Variants in RPH3A observed in about 807,000 individuals in gnomAD.
The protein encoded by RPH3A is rabphilin 3A.
RPH3A carries 48 observed loss-of-function variants against 102.2 expected under a neutral mutation model. That is an observed-to-expected ratio of 0.47 (90% CI 0.37 to 0.60). The LOEUF is 0.60. Among genes scored for constraint, RPH3A ranks in the 20% least tolerant of loss-of-function variants. The pLI is 0.00. For synonymous variants in RPH3A, 310 were observed against 324.3 expected (o/e 0.96, Z 0.47); for missense variants, 781 against 910.1 (o/e 0.86, Z 1.83).
At chr12:112,794,297 G>A (rs192037586) in intron 2 of RPH3A, among the ~76,000 whole-genome samples, 1 of 152,336 alleles carries the variant, frequency 6.6e-6, no homozygotes, top group Non-Finnish European at 1.5e-5. Context: ...AAGTTCTGGG[G>A]TTCTCTGACT....
intron 1 of RPH3A, among the ~76,000 whole-genome samples, chr12:112,656,448 T>C (rs2040011831): frequency 6.6e-6 from 1 of 152,232 alleles, no homozygotes; most frequent in Non-Finnish European, 1.5e-5. Flanking sequence ...ATCTTCTCAG[T>C]GTCTTCCTCA....
rs148407840 is a variant in RPH3A, at chr12:112,845,143, G to A, written c.84-2553G>A. Among the ~76,000 whole-genome samples the A allele has an allele frequency of 2.8e-3, 421 of 152,310 alleles. 2 individuals carry two copies. Among genetic ancestry groups the A allele is most frequent in the Non-Finnish European group, 4.3e-3 (295 of 68,038 alleles). ...GGATCAGCCTTGATTCAGTATGGGA[G>A]GGGACTACACACAGGAGGGTATGAA... On this transcript the variant is annotated intron_variant, in intron 4 of 21. Coordinates refer to ENST00000389385, the MANE Select transcript of RPH3A (RefSeq NM_001143854.2).
Position 112,727,501 on chromosome 12 carries a change from C to G in RPH3A, c.-139-64642C>G, listed in dbSNP as rs2040602424. On this transcript the variant is annotated intron_variant, in intron 1 of 21. Transcript: ENST00000543106. The stretch of plus-strand genomic sequence containing the variant: ...CACACACACACACACAGACCCCCCC[C>G]CCCCACACACATATATATATATAGG... Among the ~76,000 whole-genome samples the G allele has an allele frequency of 2.2e-5, 2 of 92,162 alleles. 1 individual carries two copies. Among genetic ancestry groups the G allele is most frequent in the Admixed American group, 2.3e-4 (2 of 8,588 alleles). The allele number at this position is 92,162 out of a possible 152,430, so 60.5% of individuals were successfully genotyped here. A position where few individuals can be genotyped will look rare whatever the true frequency, so the allele number is the denominator to read the frequency against.
At chr12:112,724,999 G>A (rs1592964669) in intron 1 of RPH3A, among the ~76,000 whole-genome samples, 1 of 146,958 alleles carries the variant, frequency 6.8e-6, no homozygotes, top group African/African-American at 2.5e-5. Context: ...CTGTAATCCC[G>A]GCACTTTGGG....
Position 112,660,755 on chromosome 12 carries a change from AGG to A in RPH3A, c.-140+85437_-140+85438del, listed in dbSNP as rs2040043545. ...TTTATAGATGGAAAAACTGAGGTCC[AGG>A]AAAGATTAAGCAACACGCCCACAGC... On this transcript the variant is annotated intron_variant, in intron 1 of 21. Transcript: ENST00000543106. Among the ~76,000 whole-genome samples, 5 of 152,342 alleles carry A rather than the reference AGG, an allele frequency of 3.3e-5. No individual in the cohort carries two copies. The South Asian group carries it at 1.0e-3, about 32-fold the overall frequency.
Position 112,706,627 on chromosome 12 carries a change from A to T in RPH3A, c.-139-85516A>T, listed in dbSNP as rs182849885. On this transcript the variant is annotated intron_variant, in intron 1 of 21. Coordinates refer to the RPH3A transcript ENST00000543106. ...TTGAATAACGCATAGAGGTTTAGCTAGGTGAAGATGGTGGATGGGTGGTCC... is the reference window on the plus strand; with the variant it reads ...TTGAATAACGCATAGAGGTTTAGCTTGGTGAAGATGGTGGATGGGTGGTCC... Among the ~76,000 whole-genome samples the T allele has an allele frequency of 3.9e-5, 6 of 152,336 alleles. No homozygotes were observed. The East Asian group carries it at 1.2e-3, about 29-fold the overall frequency.
intron 2 of RPH3A, 35 bp from the exon 3 acceptor site, chr12:112,828,266 T>G (rs1366927679): frequency 7.0e-7 from 1 of 1,430,564 alleles, no homozygotes; most frequent in Admixed American, 1.7e-5. Flanking sequence ...GGCTGAATGA[T>G]GGGGTGATGT....
chr12:112,830,850 C>T (rs544662187), intron 3 of RPH3A, among the ~76,000 whole-genome samples: 24 of 151,630 alleles, frequency 1.6e-4, no homozygotes, highest in Middle Eastern at 3.4e-3. Context: ...TTCAGGTAAG[C>T]GAGTATAAAG....
At chr12:112,774,624 T>C (rs2040951082) in intron 1 of RPH3A, among the ~76,000 whole-genome samples, 1 of 152,190 alleles carries the variant, frequency 6.6e-6, no homozygotes, top group Admixed American at 6.5e-5. Context: ...GATCATGTCC[T>C]TTGCACATGG....
intron 4 of RPH3A, among the ~76,000 whole-genome samples, chr12:112,838,929 T>C (rs1364506220): frequency 6.6e-6 from 1 of 152,144 alleles, no homozygotes; most frequent in African/African-American, 2.4e-5. Context: ...TTCTGACCCC[T>C]CATGGTGCAC....
At chr12:112,632,226 A>G (rs1273136964) in intron 1 of RPH3A, among the ~76,000 whole-genome samples, 1 of 152,264 alleles carries the variant, frequency 6.6e-6, no homozygotes, top group East Asian at 1.9e-4. Flanking sequence ...ATATGGAACT[A>G]CAAGTCCATT....
chr12:112,790,759 A>G (rs1013432893), upstream of RPH3A, among the ~76,000 whole-genome samples: 1 of 152,236 alleles, frequency 6.6e-6, no homozygotes, highest in Admixed American at 6.5e-5. Context: ...CTCTTTGGCC[A>G]AGGCTCAATG....
intron 2 of RPH3A, among the ~76,000 whole-genome samples, chr12:112,792,816 G>C (rs1191131866): frequency 6.6e-6 from 1 of 152,202 alleles, no homozygotes. Flanking sequence ...GGCTGTTCAC[G>C]CTTTCCTGAG....
chr12:112,600,165 G>A (rs747707211), intron 1 of RPH3A, among the ~76,000 whole-genome samples: 9 of 152,098 alleles, frequency 5.9e-5, no homozygotes, highest in African/African-American at 1.2e-4. Context: ...TGCAGATTTA[G>A]GGCACTCCCT....
At chr12:112,883,207 C>T (rs1349845934) in intron 15 of RPH3A, 86 bp from the exon 16 acceptor site, 10 of 995,666 alleles carry the variant, frequency 1.0e-5, no homozygotes, top group Non-Finnish European at 1.6e-5. Flanking sequence ...AGCCACCCAC[C>T]CACCCCACGT....
intron 4 of RPH3A, among the ~76,000 whole-genome samples, chr12:112,843,014 T>C (rs1015343627): frequency 1.6e-4 from 24 of 152,212 alleles, no homozygotes; most frequent in Non-Finnish European, 3.4e-4. Flanking sequence ...GTAGGCCCTC[T>C]GGGTATTTTC....
chr12:112,815,025 G>C (rs532502756), intron 2 of RPH3A, among the ~76,000 whole-genome samples: 150 of 152,302 alleles, frequency 9.8e-4, no homozygotes, highest in African/African-American at 3.4e-3. Flanking sequence ...GGGAGAGAAA[G>C]GGCCGGATGG....
intron 1 of RPH3A, among the ~76,000 whole-genome samples, chr12:112,755,194 A>C (rs1211832136): frequency 6.6e-6 from 1 of 152,010 alleles, no homozygotes; most frequent in Non-Finnish European, 1.5e-5. Flanking sequence ...TTATTCATCT[A>C]GTTCTCACTT....
intron 20 of RPH3A, 80 bp from the exon 21 acceptor site, chr12:112,895,697 C>G: frequency 1.0e-6 from 1 of 953,644 alleles, no homozygotes; most frequent in Non-Finnish European, 1.7e-6. Context: ...GGCCCATAAC[C>G]CCTAGGACTC....
Sources: gnomAD v4.1 joint callset for allele counts (sites outside exome capture counted in the v4.1 genomes callset) on GRCh38, gnomAD v4.1.1 for gene constraint, MANE v1.5 for transcripts, NCBI Gene and HGNC (gene_info 2026-07-23, HGNC 2026-07-21) for gene names.